The following TBL1X variants were observed in gnomAD, a reference collection of about 807,000 sequenced individuals.
The protein encoded by TBL1X is F-box-like/WD repeat-containing protein TBL1X.
Under a neutral mutation model 50.7 loss-of-function variants are expected in TBL1X, and 10 were observed. The ratio of observed to expected loss-of-function variants is 0.20; its 90% CI spans 0.12 to 0.33. TBL1X has a LOEUF of 0.33. Ranked by LOEUF, TBL1X falls within the 10% of genes least tolerant of loss-of-function variation. The pLI is 1.00. For synonymous variants in TBL1X, 190 were observed against 214.7 expected (o/e 0.88, Z 1.01); for missense variants, 340 against 504.4 (o/e 0.67, Z 3.12).
chrX:9,698,853 T>C (rs1237829585), intron 12 of TBL1X, among the ~76,000 whole-genome samples: 1 of 111,151 alleles, frequency 9.0e-6, no homozygotes, highest in Non-Finnish European at 1.9e-5. Flanking sequence ...GCCGCTGCTC[T>C]GGAGCCAACT....
At chrX:9,477,501 A>G (rs1244474250) in intron 1 of TBL1X, among the ~76,000 whole-genome samples, 2 of 111,953 alleles carry the variant, frequency 1.8e-5, no homozygotes, top group Non-Finnish European at 3.8e-5. Context: ...TACATTGTGT[A>G]TTCAGGTTGG....
At chrX:9,585,343 C>A (rs1292584853) in intron 2 of TBL1X, among the ~76,000 whole-genome samples, 2 of 90,865 alleles carry the variant, frequency 2.2e-5, no homozygotes, top group Non-Finnish European at 4.4e-5. Flanking sequence ...CCTCCCCTCC[C>A]CCCCCCGCCA....
chrX:9,678,497 G>A (rs752772014), intron 5 of TBL1X, among the ~76,000 whole-genome samples: 1 of 112,504 alleles, frequency 8.9e-6, no homozygotes, highest in South Asian at 3.7e-4. Flanking sequence ...GATAGCAGAT[G>A]GTGTCCCTCA....
At chrX:9,585,851 G>A (rs771154058) in intron 2 of TBL1X, among the ~76,000 whole-genome samples, 1 of 111,891 alleles carries the variant, frequency 8.9e-6, no homozygotes, top group South Asian at 3.7e-4. Context: ...TGGGCGCTAG[G>A]ACTTTAACAT....
Position 9,465,117 on chromosome X carries a change from C to T in TBL1X, c.-531C>T. 8.7e-6 allele frequency: 1 copy of T among 115,493 alleles called. No homozygotes were observed. The highest frequency in any genetic ancestry group is 3.2e-5 in the African/African-American group (1 of 31,148). The allele number at this position is 115,493 out of a possible 1,213,427, so 9.5% of individuals were successfully genotyped here. On this transcript the variant is annotated 5_prime_UTR_variant, in exon 1 of 18. Coordinates refer to ENST00000645353, the MANE Select transcript of TBL1X (RefSeq NM_005647.4). ...CGTGCCAGTCCCTCCCGCTGTCCCGCCCTCTCCCGCTGCCGCCGCCGCCGC... is the reference window on the plus strand; with the variant it reads ...CGTGCCAGTCCCTCCCGCTGTCCCGTCCTCTCCCGCTGCCGCCGCCGCCGC...
At chrX:9,701,569 TAAAAAAAAAAAAA>T (rs63287561) in intron 12 of TBL1X, among the ~76,000 whole-genome samples, 2 of 47,028 alleles carry the variant, frequency 4.3e-5, no homozygotes, top group Middle Eastern at 0.012. Flanking sequence ...CTTGATGAGC[TAAAAAAAAAAAAA>T]AAAAAAAAAA....
upstream of TBL1X, among the ~76,000 whole-genome samples, chrX:9,464,784 C>T (rs1003170716): frequency 4.5e-5 from 5 of 111,412 alleles, no homozygotes; most frequent in Admixed American, 4.7e-4. Context: ...CCCTCACCCA[C>T]CCTAGGCGTG....
At chrX:9,502,238 G>T (rs2082005104) in intron 2 of TBL1X, among the ~76,000 whole-genome samples, 1 of 112,737 alleles carries the variant, frequency 8.9e-6, no homozygotes, top group Admixed American at 9.3e-5. Flanking sequence ...GTTTTCTTTT[G>T]ACATTTTTTT....
In TBL1X at chrX:9,717,691, A is replaced by G. The variant is rs1490703588; in HGVS notation, c.*1445A>G. The G allele has an allele frequency of 3.6e-5, 4 of 112,415 alleles. No individual in the cohort carries two copies. Among genetic ancestry groups the G allele is most frequent in the Non-Finnish European group, 7.5e-5 (4 of 53,277 alleles). 9.3% of individuals were successfully genotyped at this position (112,415 alleles called of 1,213,427 possible). On this transcript the variant is annotated 3_prime_UTR_variant, in exon 18 of 18. Coordinates refer to ENST00000645353, the MANE Select transcript of TBL1X (RefSeq NM_005647.4). ...ACATCTTTCCCACAACCGTATAACG[A>G]CCGATGGTCATTTCTCCAAGAGCAG...
At chrX:9,715,324 G>A (rs186669611) in intron 17 of TBL1X, among the ~76,000 whole-genome samples, 3 of 112,056 alleles carry the variant, frequency 2.7e-5, no homozygotes, top group Non-Finnish European at 5.6e-5. Context: ...GCTTAATGAC[G>A]GGAACGTTTT....
intron 5 of TBL1X, among the ~76,000 whole-genome samples, chrX:9,670,463 TC>T (rs2082954406): frequency 8.9e-6 from 1 of 111,925 alleles, no homozygotes; most frequent in African/African-American, 3.2e-5. Context: ...AACTCCAGTC[TC>T]CCGTACAGCC....
At chrX:9,647,988 C>G (rs2082813884) in intron 3 of TBL1X, among the ~76,000 whole-genome samples, 1 of 111,708 alleles carries the variant, frequency 9.0e-6, no homozygotes, top group African/African-American at 3.3e-5. Flanking sequence ...ACACTCTCCC[C>G]TTTACATAGG....
At chrX:9,470,106 T>A (rs765880373) in intron 1 of TBL1X, among the ~76,000 whole-genome samples, 9 of 112,416 alleles carry the variant, frequency 8.0e-5, no homozygotes, top group South Asian at 3.7e-4. Flanking sequence ...TAAAATTTTT[T>A]AAAAATTTTT....
rs76977047 is a variant in TBL1X, at chrX:9,709,972, C to A, written c.1439+212C>A. Among the ~76,000 whole-genome samples the A allele has an allele frequency of 1.1e-4, 12 of 112,500 alleles. No individual in the cohort carries two copies. In the East Asian group the frequency reaches 3.4e-3, roughly 32 times the overall value. On this transcript the variant is annotated intron_variant, in intron 15 of 17. Transcript: ENST00000645353. Reference sequence around the variant, plus strand: ...AGGCACAGTGGCTTACGCCTATAATCTCAGCACCCTGGGAGGCCAAGGCAG... The same window carrying A: ...AGGCACAGTGGCTTACGCCTATAATATCAGCACCCTGGGAGGCCAAGGCAG...
chrX:9,688,519 A>T (rs892750624), intron 7 of TBL1X, among the ~76,000 whole-genome samples: 2 of 112,434 alleles, frequency 1.8e-5, no homozygotes, highest in African/African-American at 6.5e-5. Flanking sequence ...TGCTAATCTG[A>T]GAACTCTCAT....
chrX:9,522,031 T>C (rs531084907), intron 2 of TBL1X, among the ~76,000 whole-genome samples: 1,486 of 104,876 alleles, frequency 0.014, 11 homozygotes, highest in Non-Finnish European at 0.022. Context: ...TTTTTTTTTT[T>C]CCCTGAGATG....
chrX:9,690,899 C>G (rs763347679), intron 7 of TBL1X, among the ~76,000 whole-genome samples: 32 of 110,302 alleles, frequency 2.9e-4, no homozygotes, highest in South Asian at 8.0e-4. Context: ...TGGCTAACTT[C>G]TTGTTGTTGT....
At chrX:9,598,528 G>C (rs1004781130) in intron 2 of TBL1X, among the ~76,000 whole-genome samples, 1 of 111,776 alleles carries the variant, frequency 8.9e-6, no homozygotes, top group Non-Finnish European at 1.9e-5. Flanking sequence ...CTGCCCAGGT[G>C]GCACTGGATG....
intron 2 of TBL1X, among the ~76,000 whole-genome samples, chrX:9,583,347 C>T (rs945867103): frequency 7.1e-5 from 8 of 112,148 alleles, no homozygotes; most frequent in African/African-American, 2.6e-4. Flanking sequence ...TGCAGTGACC[C>T]TTTTTTCCCA....
Sources: gnomAD v4.1 joint callset for allele counts (sites outside exome capture counted in the v4.1 genomes callset) on GRCh38, gnomAD v4.1.1 for gene constraint, MANE v1.5 for transcripts, NCBI Gene and HGNC (gene_info 2026-07-23, HGNC 2026-07-21) for gene names.